Variants in ANKRD23 observed in about 807,000 individuals in gnomAD.
The protein encoded by ANKRD23 is ankyrin repeat domain-containing protein 23.
In ANKRD23, 52 loss-of-function variants were observed where a neutral mutation model predicts 38.1. The observed-to-expected ratio is 1.36, with a 90% CI of 1.09 to 1.72. ANKRD23 has a LOEUF of 1.72. ANKRD23 is among the 40% of genes most tolerant of loss of function. ANKRD23 has a pLI of 0.00. For synonymous variants in ANKRD23, 167 were observed against 162.9 expected (o/e 1.03, Z -0.19); for missense variants, 416 against 400.2 (o/e 1.04, Z -0.34).
Position 96,839,068 on chromosome 2 carries a change from C to G in ANKRD23, c.*481G>C, listed in dbSNP as rs980903061. The stretch of plus-strand genomic sequence containing the variant: ...CCGGCCCCTGCATGGCCTGCCTTGG[C>G]TGCACCTTGTACATCCTGGATGGCA... On this transcript the variant is annotated 3_prime_UTR_variant, in exon 9 of 9. Transcript: ENST00000318357. The G allele has an allele frequency of 1.0e-6, 1 of 987,182 alleles. No individual in the cohort carries two copies. Among genetic ancestry groups the G allele is most frequent in the African/African-American group, 1.7e-5 (1 of 57,294 alleles). 61.2% of individuals were successfully genotyped at this position (987,182 alleles called of 1,614,324 possible). A position where few individuals can be genotyped will look rare whatever the true frequency, so the allele number is the denominator to read the frequency against.
In ANKRD23 at chr2:96,839,494, G is replaced by A. The variant is rs2079732127; in HGVS notation, c.*55C>T. On this transcript the variant is annotated 3_prime_UTR_variant, in exon 9 of 9. Transcript: ENST00000318357. ...CACAGAGGTGCAGACGCGGGGGCGG[G>A]GCACAGGATGGAATGGTGGCAGTGC... The A allele has an allele frequency of 1.1e-5, 16 of 1,399,804 alleles. No homozygotes were observed. The South Asian group carries it at 2.6e-4, about 23-fold the overall frequency. 86.7% of individuals were successfully genotyped at this position (1,399,804 alleles called of 1,614,324 possible). A position where few individuals can be genotyped will look rare whatever the true frequency, so the allele number is the denominator to read the frequency against.
chr2:96,838,511 C>T lies in ANKRD23; in HGVS notation c.*1038G>A. ...GGCGGGGGCTCACCTTCCTCTGCTT[C>T]CCTGTGGGCTGGGTTCAGAGCTCCT... On this transcript the variant is annotated 3_prime_UTR_variant, in exon 9 of 9. Coordinates refer to ENST00000318357, the MANE Select transcript of ANKRD23 (RefSeq NM_144994.8). 1 of 986,002 alleles carries T rather than the reference C, an allele frequency of 1.0e-6. No homozygotes were observed. Among genetic ancestry groups the T allele is most frequent in the Non-Finnish European group, 1.2e-6 (1 of 830,216 alleles). 61.1% of individuals were successfully genotyped at this position (986,002 alleles called of 1,614,324 possible).
chr2:96,842,210 C>T (rs1183046194), intron 2 of ANKRD23, 25 bp from the exon 3 acceptor site: 1 of 1,613,574 alleles, frequency 6.2e-7, no homozygotes, highest in Admixed American at 1.7e-5. Context: ...AAGACCATGC[C>T]AGCCATCAGC....
At position 96,840,521 on chromosome 2, in the gene ANKRD23, G is replaced by A; in HGVS notation, c.427-7C>T. On this transcript the variant is annotated splice_polypyrimidine_tract_variant and splice_region_variant and intron_variant, in intron 4 of 8. Transcript: ENST00000318357. Reference sequence around the variant, plus strand: ...GCAAGGCGGTGCGGTGGAGCTGAGGGCAGAGATGGAAGATTAGGCAGAGGG... The same window carrying A: ...GCAAGGCGGTGCGGTGGAGCTGAGGACAGAGATGGAAGATTAGGCAGAGGG... The A allele has an allele frequency of 6.2e-7, 1 of 1,613,486 alleles. No individual in the cohort carries two copies. The highest frequency in any genetic ancestry group is 8.5e-7 in the Non-Finnish European group (1 of 1,179,910).
In ANKRD23 at chr2:96,838,417, AG is replaced by A; in HGVS notation, c.*1131del. The A allele has an allele frequency of 1.0e-6, 1 of 988,136 alleles. No homozygotes were observed. Among genetic ancestry groups the A allele is most frequent in the Non-Finnish European group, 1.2e-6 (1 of 830,182 alleles). 61.2% of individuals were successfully genotyped at this position (988,136 alleles called of 1,614,324 possible). ...ATTTGAAACGTACAGACGGTGGAAG[AG>A]GAAGTCTAGGGAGCTTGGGTCCTTA... On this transcript the variant is annotated 3_prime_UTR_variant, in exon 9 of 9. Transcript: ENST00000318357.
In ANKRD23 at chr2:96,842,146, G is replaced by A; in HGVS notation, c.214C>T (p.Leu72=). Reference sequence around the variant, plus strand: ...TGAACCAAGTTTTCCAAGTCAGCCAGGTTATCCAGATTAAATCTGGTACTG... The same window carrying A: ...TGAACCAAGTTTTCCAAGTCAGCCAAGTTATCCAGATTAAATCTGGTACTG... ...FNSTRFNLDN[L]ADLENLVQRR... Residue 72 remains leucine, a synonymous_variant, in exon 3 of 9, where the codon CTG becomes TTG. Coordinates refer to ENST00000318357, the MANE Select transcript of ANKRD23 (RefSeq NM_144994.8). 1.2e-6 allele frequency: 2 copies of A among 1,614,202 alleles called. No homozygotes were observed. Among genetic ancestry groups the A allele is most frequent in the Non-Finnish European group, 1.7e-6 (2 of 1,180,038 alleles).
Position 96,839,617 on chromosome 2 carries a change from G to A in ANKRD23, c.850C>T (p.Arg284Ter), listed in dbSNP as rs986068160. The A allele has an allele frequency of 7.3e-6, 11 of 1,498,992 alleles. No individual in the cohort carries two copies. The highest frequency in any genetic ancestry group is 2.3e-5 in the Admixed American group (1 of 44,360). The allele number at this position is 1,498,992 out of a possible 1,614,324, so 92.9% of individuals were successfully genotyped here. The change falls in exon 9 of 9, where the codon CGA becomes TGA. Residue 284 changes from arginine (R) to a stop codon, truncating the protein, a stop_gained. Coordinates refer to ENST00000318357, the MANE Select transcript of ANKRD23 (RefSeq NM_144994.8). LOFTEE classifies it high-confidence loss of function. ...TCCCGGATGCCGCGCTGCCAGTCTCGAGCCAGCTGCACCGGGGTCACGGAG... is the reference window on the plus strand; with the variant it reads ...TCCCGGATGCCGCGCTGCCAGTCTCAAGCCAGCTGCACCGGGGTCACGGAG... Reference protein sequence around the residue: ...AASVTPVQLARDWQRGIREAL... With the variant: ...AASVTPVQLA
At position 96,841,598 on chromosome 2, in the gene ANKRD23, CAAAAAAAAA is replaced by C. The variant is rs564581027; in HGVS notation, c.300+453_300+461del. Among the ~76,000 whole-genome samples, 356 of 36,088 alleles carry C rather than the reference CAAAAAAAAA, an allele frequency of 9.9e-3. 2 individuals carry two copies. Among genetic ancestry groups the C allele is most frequent in the Non-Finnish European group, 0.018 (259 of 14,284 alleles). The allele number at this position is 36,088 out of a possible 152,430, so 23.7% of individuals were successfully genotyped here. On this transcript the variant is annotated intron_variant, in intron 3 of 8. Coordinates refer to ENST00000318357, the MANE Select transcript of ANKRD23 (RefSeq NM_144994.8). ...TGGGCAACAGAGCGAGACTCCGTCT[CAAAAAAAAA>C]AAAAAAAAAAAAAAAAAAGTTGGGG...
Position 96,839,519 on chromosome 2 carries a change from C to CGAAA in ANKRD23, c.*26_*29dup. ...GGCACAGGATGGAATGGTGGCAGTG[C>CGAAA]GAAAGGCGCGGCGGGGGGCGGTGCT... On this transcript the variant is annotated 3_prime_UTR_variant, in exon 9 of 9. Coordinates refer to ENST00000318357, the MANE Select transcript of ANKRD23 (RefSeq NM_144994.8). 1 of 1,425,522 alleles carries CGAAA rather than the reference C, an allele frequency of 7.0e-7. No homozygotes were observed. The highest frequency in any genetic ancestry group is 1.5e-5 in the South Asian group (1 of 66,026). The allele number at this position is 1,425,522 out of a possible 1,614,324, so 88.3% of individuals were successfully genotyped here.
rs939741820 is a variant in ANKRD23, at chr2:96,842,205, C to G, written c.175-20G>C. 10 of 1,613,646 alleles carry G rather than the reference C, an allele frequency of 6.2e-6. No individual in the cohort carries two copies. Among genetic ancestry groups the G allele is most frequent in the African/African-American group, 1.3e-5 (1 of 74,916 alleles). Reference sequence around the variant, plus strand: ...TTCAAGCTGGGGCAGAAGACAAGACCATGCCAGCCATCAGCCGCTGGTCAA... The same window carrying G: ...TTCAAGCTGGGGCAGAAGACAAGACGATGCCAGCCATCAGCCGCTGGTCAA... On this transcript the variant is annotated intron_variant, in intron 2 of 8. Transcript: ENST00000318357.
chr2:96,839,079 A>G lies in ANKRD23; in HGVS notation c.*470T>C. On this transcript the variant is annotated 3_prime_UTR_variant, in exon 9 of 9. Transcript: ENST00000318357. ...ATGGCCTGCCTTGGCTGCACCTTGTACATCCTGGATGGCATCTGCCGGCCA... is the reference window on the plus strand; with the variant it reads ...ATGGCCTGCCTTGGCTGCACCTTGTGCATCCTGGATGGCATCTGCCGGCCA... The G allele has an allele frequency of 1.0e-6, 1 of 987,854 alleles. No homozygotes were observed. Among genetic ancestry groups the G allele is most frequent in the Non-Finnish European group, 1.2e-6 (1 of 831,766 alleles). The allele number at this position is 987,854 out of a possible 1,614,324, so 61.2% of individuals were successfully genotyped here. A position where few individuals can be genotyped will look rare whatever the true frequency, so the allele number is the denominator to read the frequency against.
Position 96,840,516 on chromosome 2 carries a change from T to G in ANKRD23, c.427-2A>C, listed in dbSNP as rs759934194. On this transcript the variant is annotated splice_acceptor_variant, in intron 4 of 8. Transcript: ENST00000318357. LOFTEE classifies it high-confidence loss of function. Reference sequence around the variant, plus strand: ...CCAGTGCAAGGCGGTGCGGTGGAGCTGAGGGCAGAGATGGAAGATTAGGCA... The same window carrying G: ...CCAGTGCAAGGCGGTGCGGTGGAGCGGAGGGCAGAGATGGAAGATTAGGCA... 1.2e-6 allele frequency: 2 copies of G among 1,613,538 alleles called. No individual in the cohort carries two copies. The highest frequency in any genetic ancestry group is 2.2e-5 in the South Asian group (2 of 91,040).
At chr2:96,840,947 G>A (rs751115977) in intron 3 of ANKRD23, 35 bp from the exon 4 acceptor site, 17 of 1,606,692 alleles carry the variant, frequency 1.1e-5, no homozygotes, top group African/African-American at 9.4e-5. Context: ...AATCACTCCC[G>A]AAGGCCGCAG....
At position 96,838,828 on chromosome 2, in the gene ANKRD23, AG is replaced by A; in HGVS notation, c.*720del. 1.0e-6 allele frequency: 1 copy of A among 985,492 alleles called. No homozygotes were observed. Among genetic ancestry groups the A allele is most frequent in the Non-Finnish European group, 1.2e-6 (1 of 829,992 alleles). 61.0% of individuals were successfully genotyped at this position (985,492 alleles called of 1,614,324 possible). On this transcript the variant is annotated 3_prime_UTR_variant, in exon 9 of 9. Coordinates refer to ENST00000318357, the MANE Select transcript of ANKRD23 (RefSeq NM_144994.8). ...ATGCGCGCTCCAGCTCATCAGTCTT[AG>A]GGCTTCTGAGGCAACCTAGTGGGTC...
chr2:96,839,668 T>A (rs774778805), intron 8 of ANKRD23, 24 bp from the exon 9 acceptor site: 1 of 1,579,172 alleles, frequency 6.3e-7, no homozygotes, highest in East Asian at 2.3e-5. Context: ...TGTGGGTCAG[T>A]CCCTTGCAGG....
rs2079732528 is a variant in ANKRD23 at position 96,839,528 on chromosome 2, CGGCGGGG to C, written c.*14_*20del. 1 of 1,426,018 alleles carries C rather than the reference CGGCGGGG, an allele frequency of 7.0e-7. No individual in the cohort carries two copies. Among genetic ancestry groups the C allele is most frequent in the Non-Finnish European group, 9.1e-7 (1 of 1,094,906 alleles). The allele number at this position is 1,426,018 out of a possible 1,614,324, so 88.3% of individuals were successfully genotyped here. On this transcript the variant is annotated 3_prime_UTR_variant, in exon 9 of 9. Coordinates refer to ENST00000318357, the MANE Select transcript of ANKRD23 (RefSeq NM_144994.8). The stretch of plus-strand genomic sequence containing the variant: ...TGGAATGGTGGCAGTGCGAAAGGCG[CGGCGGGG>C]GGCGGTGCTGCGGTCAGCACCGGGT...
chr2:96,843,472 A>G (rs187496602), intron 1 of ANKRD23, among the ~76,000 whole-genome samples: 64 of 152,246 alleles, frequency 4.2e-4, no homozygotes, highest in Non-Finnish European at 8.1e-4. Flanking sequence ...AGCAACAACT[A>G]TCATGGTGCT....
intron 3 of ANKRD23, 111 bp from the exon 4 acceptor site, chr2:96,841,023 T>G: frequency 7.4e-7 from 1 of 1,347,444 alleles, no homozygotes; most frequent in South Asian, 1.4e-5. Context: ...CAAGGAACAC[T>G]GCTGGCTCGT....
At chr2:96,839,915 C>T (rs908950603) in intron 7 of ANKRD23, 82 bp downstream of exon 7, 2 of 1,548,428 alleles carry the variant, frequency 1.3e-6, no homozygotes, top group African/African-American at 2.7e-5. Context: ...GAGCAGACAG[C>T]ACCTCTGGTC....
Sources: gnomAD v4.1 joint callset for allele counts (sites outside exome capture counted in the v4.1 genomes callset) on GRCh38, gnomAD v4.1.1 for gene constraint, MANE v1.5 for transcripts, NCBI Gene and HGNC (gene_info 2026-07-23, HGNC 2026-07-21) for gene names.